The following CTNNA2 variants were observed in gnomAD, a reference collection of about 807,000 sequenced individuals.
CTNNA2 encodes the protein catenin alpha-2.
A neutral mutation model predicts 101.0 loss-of-function variants in CTNNA2; 42 were observed. The ratio of observed to expected loss-of-function variants is 0.42; its 90% CI spans 0.32 to 0.54. The LOEUF (loss-of-function observed/expected upper bound fraction) is 0.54, where lower values mean the gene tolerates loss of function less well. Among genes scored for constraint, CTNNA2 ranks in the 20% least tolerant of loss-of-function variants. CTNNA2 has a pLI of 0.14. For synonymous variants in CTNNA2, 450 were observed against 456.4 expected (o/e 0.99, Z 0.18); for missense variants, 871 against 1,223.1 (o/e 0.71, Z 4.29).
intron 4 of CTNNA2, among the ~76,000 whole-genome samples, chr2:79,481,385 A>G (rs1671108112): frequency 6.6e-6 from 1 of 152,124 alleles, no homozygotes; most frequent in African/African-American, 2.4e-5. Flanking sequence ...CCAAATTGCA[A>G]TAATCTAGAA....
chr2:79,904,125 CA>C (rs1446002549), intron 6 of CTNNA2, among the ~76,000 whole-genome samples: 1 of 152,174 alleles, frequency 6.6e-6, no homozygotes, highest in African/African-American at 2.4e-5. Flanking sequence ...CTTTAAGTCT[CA>C]GCTGAGGGAT....
intron 7 of CTNNA2, among the ~76,000 whole-genome samples, chr2:80,272,818 A>G (rs1673603103): frequency 6.6e-6 from 1 of 152,200 alleles, no homozygotes; most frequent in East Asian, 1.9e-4. Context: ...TGTTTATTAA[A>G]TCTAGCAACC....
chr2:80,187,540 T>C (rs1706207912), intron 7 of CTNNA2, among the ~76,000 whole-genome samples: 1 of 152,206 alleles, frequency 6.6e-6, no homozygotes, highest in Admixed American at 6.5e-5. Context: ...ACAGAAAACA[T>C]GTTTGTATTT....
intron 7 of CTNNA2, among the ~76,000 whole-genome samples, chr2:80,192,520 T>A (rs1706572535): frequency 6.6e-6 from 1 of 152,122 alleles, no homozygotes; most frequent in Non-Finnish European, 1.5e-5. Flanking sequence ...CTGTAAAACT[T>A]TTCTTTTTTT....
chr2:80,263,449 C>G (rs1373514387), intron 7 of CTNNA2, among the ~76,000 whole-genome samples: 1 of 152,146 alleles, frequency 6.6e-6, no homozygotes, highest in Non-Finnish European at 1.5e-5. Flanking sequence ...ATTCTTCTGC[C>G]TCAGCTTCTC....
chr2:79,276,212 T>G (rs1270036456), intron 2 of CTNNA2, among the ~76,000 whole-genome samples: 1 of 152,094 alleles, frequency 6.6e-6, no homozygotes, highest in Non-Finnish European at 1.5e-5. Flanking sequence ...GGTTTTCAAA[T>G]AGTTGATGTT....
At chr2:80,216,639 G>T (rs1209388694) in intron 7 of CTNNA2, among the ~76,000 whole-genome samples, 1 of 152,044 alleles carries the variant, frequency 6.6e-6, no homozygotes, top group African/African-American at 2.4e-5. Flanking sequence ...CCCAGAAGAG[G>T]GCCCTCCCCA....
chr2:80,344,022 C>T (rs1242373616), intron 7 of CTNNA2, among the ~76,000 whole-genome samples: 1 of 152,116 alleles, frequency 6.6e-6, no homozygotes, highest in Non-Finnish European at 1.5e-5. Flanking sequence ...CTTGAGGCCT[C>T]TCCAATCAGG....
chr2:80,595,277 C>T (rs1011429383), intron 15 of CTNNA2, among the ~76,000 whole-genome samples: 2 of 141,464 alleles, frequency 1.4e-5, no homozygotes, highest in African/African-American at 6.0e-5. Context: ...TCTTCATTTT[C>T]TTTTAGGATT....
intron 7 of CTNNA2, among the ~76,000 whole-genome samples, chr2:79,924,135 TA>T (rs571167303): frequency 3.3e-5 from 5 of 151,946 alleles, no homozygotes; most frequent in South Asian, 4.2e-4. Context: ...ATTCAGTCTT[TA>T]AAAAAAAGGA....
At chr2:79,924,041 C>A (rs1330286834) in intron 7 of CTNNA2, among the ~76,000 whole-genome samples, 1 of 151,978 alleles carries the variant, frequency 6.6e-6, no homozygotes, top group Admixed American at 6.6e-5. Flanking sequence ...TTATTCACAA[C>A]AGTCAAGATG....
intron 2 of CTNNA2, among the ~76,000 whole-genome samples, chr2:79,677,223 A>G (rs1277927645): frequency 6.6e-6 from 1 of 152,152 alleles, no homozygotes; most frequent in Non-Finnish European, 1.5e-5. Flanking sequence ...CCCTTTTCTC[A>G]GAGTCTTGTG....
At chr2:80,260,676 C>A (rs888674527) in intron 7 of CTNNA2, among the ~76,000 whole-genome samples, 3 of 152,112 alleles carry the variant, frequency 2.0e-5, no homozygotes, top group Non-Finnish European at 4.4e-5. Flanking sequence ...ACTGAGAAAT[C>A]GTCAAGTTCT....
At chr2:79,642,955 G>A (rs944290235) in intron 1 of CTNNA2, among the ~76,000 whole-genome samples, 1 of 151,984 alleles carries the variant, frequency 6.6e-6, no homozygotes, top group Non-Finnish European at 1.5e-5. Flanking sequence ...CACTTGGGGA[G>A]GCCAAGGCAG....
chr2:80,181,491 C>G lies in CTNNA2; in HGVS notation c.1057-211720C>G, dbSNP rs142608324. On this transcript the variant is annotated intron_variant, in intron 7 of 18. Transcript: ENST00000402739. ...AATAGTAGACACCTATTGAGGCTAC[C>G]TGTGCACCTTTTTTCAGGTCAGCCA... Among the ~76,000 whole-genome samples, 246 of 152,250 alleles carry G rather than the reference C, an allele frequency of 1.6e-3. 1 individual carries two copies. Among genetic ancestry groups the G allele is most frequent in the African/African-American group, 5.6e-3 (231 of 41,542 alleles).
Position 79,908,366 on chromosome 2 carries a change from A to G in CTNNA2, c.853-1228A>G, listed in dbSNP as rs527997223. Reference sequence around the variant, plus strand: ...CAAAAGAAGCAGTAACAGAGTGGCAATTGCACCATAGTATTCTACAGTTGG... The same window carrying G: ...CAAAAGAAGCAGTAACAGAGTGGCAGTTGCACCATAGTATTCTACAGTTGG... On this transcript the variant is annotated intron_variant, in intron 6 of 18. Transcript: ENST00000402739. Among the ~76,000 whole-genome samples, 320 of 152,282 alleles carry G rather than the reference A, an allele frequency of 2.1e-3. 3 individuals are homozygous for G. Among genetic ancestry groups the G allele is most frequent in the Non-Finnish European group, 2.5e-3 (172 of 68,014 alleles).
chr2:80,093,302 G>A (rs372221206), intron 7 of CTNNA2, among the ~76,000 whole-genome samples: 1 of 151,958 alleles, frequency 6.6e-6, no homozygotes, highest in Non-Finnish European at 1.5e-5. Context: ...ATGGTTTCCA[G>A]CTTCATCCAT....
intron 17 of CTNNA2, 27 bp from the exon 18 acceptor site, chr2:80,619,058 C>G (rs184936238): frequency 2.7e-4 from 371 of 1,363,588 alleles, no homozygotes; most frequent in Admixed American, 1.4e-3. Context: ...CTCTCATTCT[C>G]TCTTTTCTGT....
chr2:80,285,757 G>A (rs1558969510), intron 7 of CTNNA2, among the ~76,000 whole-genome samples: 1 of 152,160 alleles, frequency 6.6e-6, no homozygotes, highest in East Asian at 1.9e-4. Context: ...TGACAGATGA[G>A]CCTTCAAATA....
Sources: gnomAD v4.1 joint callset for allele counts (sites outside exome capture counted in the v4.1 genomes callset) on GRCh38, gnomAD v4.1.1 for gene constraint, MANE v1.5 for transcripts, NCBI Gene and HGNC (gene_info 2026-07-23, HGNC 2026-07-21) for gene names.